Variants in NDC1 observed in about 807,000 individuals in gnomAD.
NDC1 encodes NDC1 transmembrane nucleoporin, also known as nucleoporin NDC1.
A neutral mutation model predicts 89.8 loss-of-function variants in NDC1; 24 were observed. That is an observed-to-expected ratio of 0.27 (90% CI 0.19 to 0.38). The LOEUF (loss-of-function observed/expected upper bound fraction) is 0.38, where lower values mean the gene tolerates loss of function less well. Ranked by LOEUF, NDC1 falls within the 10% of genes least tolerant of loss-of-function variation. The pLI is 1.00. For synonymous variants in NDC1, 296 were observed against 284.8 expected (o/e 1.04, Z -0.39); for missense variants, 728 against 797.6 (o/e 0.91, Z 1.05).
intron 8 of NDC1, 64 bp from the exon 9 acceptor site, chr1:53,806,581 C>G (rs1648118636): frequency 1.0e-6 from 1 of 991,074 alleles, no homozygotes; most frequent in South Asian, 2.7e-5. Context: ...TAAGCATGCA[C>G]AAATTAAAAC....
intron 16 of NDC1, among the ~76,000 whole-genome samples, chr1:53,786,325 A>G (rs1342914573): frequency 6.6e-6 from 1 of 152,220 alleles, no homozygotes; most frequent in Non-Finnish European, 1.5e-5. Flanking sequence ...ACCAAGTAAC[A>G]TGAAGTTAGA....
intron 6 of NDC1, among the ~76,000 whole-genome samples, chr1:53,815,263 T>C (rs1048693545): frequency 6.6e-6 from 1 of 152,112 alleles, no homozygotes; most frequent in Non-Finnish European, 1.5e-5. Flanking sequence ...CATGATAAAG[T>C]GGGTCTCATG....
At chr1:53,807,567 T>G (rs946108660) in intron 8 of NDC1, 89 bp downstream of exon 8, 9 of 1,103,284 alleles carry the variant, frequency 8.2e-6, no homozygotes, top group Non-Finnish European at 1.1e-5. Context: ...GAAATGGTTT[T>G]GCGTGTGCTG....
At chr1:53,771,984 T>A (rs758285241) in intron 17 of NDC1, among the ~76,000 whole-genome samples, 29 of 152,178 alleles carry the variant, frequency 1.9e-4, no homozygotes, top group Non-Finnish European at 4.0e-4. Flanking sequence ...GATATAACAA[T>A]AGAATTAGTT....
intron 13 of NDC1, among the ~76,000 whole-genome samples, chr1:53,794,542 T>C (rs776127280): frequency 3.3e-5 from 5 of 152,104 alleles, no homozygotes; most frequent in Admixed American, 6.6e-5. Context: ...AGTCATTCCA[T>C]CAGCAAACAT....
At chr1:53,787,099 A>C (rs1647328565) in intron 16 of NDC1, 59 bp downstream of exon 16, 1 of 821,582 alleles carries the variant, frequency 1.2e-6, no homozygotes. Flanking sequence ...GAAACAAACA[A>C]AGCACTGGGT....
Position 53,766,897 on chromosome 1 carries a change from A to C in NDC1, c.*1073T>G, listed in dbSNP as rs1470901791. 1 of 152,230 alleles carries C rather than the reference A, an allele frequency of 6.6e-6. No individual in the cohort carries two copies. Among genetic ancestry groups the C allele is most frequent in the Non-Finnish European group, 1.5e-5 (1 of 68,026 alleles). The allele number at this position is 152,230 out of a possible 1,614,324, so 9.4% of individuals were successfully genotyped here. ...CAAAGAAGCTGATCTAATAAATTCT[A>C]ACAATACTTCGTTCACATTTGGGAC... On this transcript the variant is annotated 3_prime_UTR_variant, in exon 18 of 18. Transcript: ENST00000371429.
At chr1:53,782,890 C>G (rs1413534041) in intron 16 of NDC1, among the ~76,000 whole-genome samples, 1 of 152,182 alleles carries the variant, frequency 6.6e-6, no homozygotes, top group Non-Finnish European at 1.5e-5. Flanking sequence ...ACTGACAGAT[C>G]TTGTTATGTA....
rs148972571 is a variant in NDC1 at position 53,797,204 on chromosome 1, C to T, written c.1223-60G>A. ...CCTGATCCAAGCAGGCTAGCAGCAACGCTTTCAAATTCTACACATACCAAA... is the reference window on the plus strand; with the variant it reads ...CCTGATCCAAGCAGGCTAGCAGCAATGCTTTCAAATTCTACACATACCAAA... On this transcript the variant is annotated intron_variant, in intron 11 of 17. Transcript: ENST00000371429. 1.1e-4 allele frequency: 174 copies of T among 1,558,522 alleles called. 2 individuals are homozygous for T. The African/African-American group carries it at 1.6e-3, about 14-fold the overall frequency.
At chr1:53,805,856 C>T (rs576031999) in intron 9 of NDC1, among the ~76,000 whole-genome samples, 1 of 152,118 alleles carries the variant, frequency 6.6e-6, no homozygotes, top group Non-Finnish European at 1.5e-5. Flanking sequence ...GGGTGGATCA[C>T]GAGGTCAGGA....
intron 3 of NDC1, among the ~76,000 whole-genome samples, chr1:53,829,002 T>C (rs570748571): frequency 6.6e-6 from 1 of 152,322 alleles, no homozygotes; most frequent in East Asian, 1.9e-4. Flanking sequence ...AGGTAAATAC[T>C]GACAACATAA....
intron 15 of NDC1, 111 bp from the exon 16 acceptor site, chr1:53,787,369 C>T (rs1647339086): frequency 2.1e-5 from 14 of 656,080 alleles, no homozygotes; most frequent in East Asian, 5.7e-5. Context: ...GAAATAAAGG[C>T]TGGGCACGGT....
chr1:53,825,268 G>C (rs983140308), intron 5 of NDC1, among the ~76,000 whole-genome samples: 17 of 151,926 alleles, frequency 1.1e-4, no homozygotes, highest in African/African-American at 4.1e-4. Flanking sequence ...TTGAGGTCAG[G>C]AGTTCAAGAC....
In NDC1 at chr1:53,790,599, T is replaced by C. The variant is rs182131769; in HGVS notation, c.1636-1403A>G. On this transcript the variant is annotated intron_variant, in intron 14 of 17. Transcript: ENST00000371429. ...GCGCACGCCTGTAGTCCCAGCTACT[T>C]GGGAGGCTGCAGTGGGAGAATCGCT... is the stretch of plus-strand genomic sequence containing the variant. Among the ~76,000 whole-genome samples the C allele has an allele frequency of 1.5e-3, 224 of 151,426 alleles. 2 individuals carry two copies. The highest frequency in any genetic ancestry group is 2.4e-3 in the Non-Finnish European group (162 of 67,858).
chr1:53,770,925 G>C (rs1647107254), intron 17 of NDC1: 1 of 152,306 alleles, frequency 6.6e-6, no homozygotes, highest in Admixed American at 6.5e-5. Flanking sequence ...AAAGTGCTGG[G>C]ATAACAGGCA....
chr1:53,838,272 G>A lies in NDC1; in HGVS notation c.-11C>T. 1 of 1,536,604 alleles carries A rather than the reference G, an allele frequency of 6.5e-7. No individual in the cohort carries two copies. The highest frequency in any genetic ancestry group is 8.7e-7 in the Non-Finnish European group (1 of 1,145,138). ...CACGGCCGTGGCCATGGAGATGGCG[G>A]CCCCTAGTCTAGGGCGTACAGGAGA... On this transcript the variant is annotated 5_prime_UTR_variant, in exon 1 of 18. Coordinates refer to ENST00000371429, the MANE Select transcript of NDC1 (RefSeq NM_018087.5).
At chr1:53,786,832 G>C (rs1257651001) in intron 16 of NDC1, among the ~76,000 whole-genome samples, 1 of 152,026 alleles carries the variant, frequency 6.6e-6, no homozygotes, top group Non-Finnish European at 1.5e-5. Flanking sequence ...GAGTAGCTGG[G>C]ACTACAAGCA....
chr1:53,798,138 TTTATTATTATTATTATTA>T (rs71063883), intron 11 of NDC1, among the ~76,000 whole-genome samples: 4 of 133,012 alleles, frequency 3.0e-5, no homozygotes, highest in East Asian at 4.3e-4. Context: ...CCATCTTCTT[TTTATTATTATTATTATTA>T]TTATTATTAT....
intron 5 of NDC1, among the ~76,000 whole-genome samples, chr1:53,822,451 A>G (rs1245526664): frequency 6.6e-6 from 1 of 152,150 alleles, no homozygotes; most frequent in Non-Finnish European, 1.5e-5. Flanking sequence ...TTATAGGTAC[A>G]TACATGTAAA....
Sources: allele counts gnomAD v4.1 joint callset (sites outside exome capture counted in the v4.1 genomes callset), GRCh38; gene constraint gnomAD v4.1.1; transcripts MANE v1.5; gene names NCBI Gene and HGNC (gene_info 2026-07-23, HGNC 2026-07-21).